BAZ1B: variants seen among roughly 807,000 people sequenced by gnomAD.
BAZ1B encodes the protein tyrosine-protein kinase BAZ1B.
A neutral mutation model predicts 153.8 loss-of-function variants in BAZ1B; 22 were observed. The ratio of observed to expected loss-of-function variants is 0.14; its 90% CI spans 0.10 to 0.20. The LOEUF is 0.20. BAZ1B is among the 10% of genes least tolerant of loss of function. The pLI, the probability that BAZ1B is intolerant of heterozygous loss-of-function variation, is 1.00. For synonymous variants in BAZ1B, 676 were observed against 633.4 expected, an observed-to-expected ratio of 1.07 and a Z score of -1.01; for missense variants, 1,325 against 1,799.3, an observed-to-expected ratio of 0.74 and a Z score of 4.77.
chr7:73,446,710 C>CT (rs1452788421), intron 16 of BAZ1B, among the ~76,000 whole-genome samples: 1 of 152,078 alleles, frequency 6.6e-6, no homozygotes, highest in African/African-American at 2.4e-5. Context: ...AAGATGATGC[C>CT]TTTTTTCCTA....
intron 6 of BAZ1B, among the ~76,000 whole-genome samples, chr7:73,484,336 CAGAT>C (rs1259641942): frequency 2.0e-5 from 3 of 150,740 alleles, no homozygotes; most frequent in East Asian, 1.9e-4. Flanking sequence ...GACAGACAGA[CAGAT>C]ATAGATAGAT....
chr7:73,464,797 C>T (rs1039971083), intron 11 of BAZ1B, among the ~76,000 whole-genome samples: 6 of 152,178 alleles, frequency 3.9e-5, no homozygotes, highest in African/African-American at 1.4e-4. Context: ...ATGATCTTGG[C>T]TCAATGCAAC....
At chr7:73,474,637 T>C (rs1788933034) in intron 7 of BAZ1B, among the ~76,000 whole-genome samples, 3 of 151,956 alleles carry the variant, frequency 2.0e-5, no homozygotes, top group Admixed American at 2.0e-4. Flanking sequence ...TAGCCAGGTG[T>C]GGTGGCACAC....
chr7:73,492,103 C>T (rs1789672026), intron 5 of BAZ1B, among the ~76,000 whole-genome samples: 1 of 151,858 alleles, frequency 6.6e-6, no homozygotes, highest in African/African-American at 2.4e-5. Context: ...AGCGAGTCTC[C>T]TGCCTCAGCC....
At position 73,477,504 on chromosome 7, in the gene BAZ1B, T is replaced by C; in HGVS notation, c.1957A>G (p.Arg653Gly). 6.2e-7 allele frequency: 1 copy of C among 1,614,190 alleles called. No homozygotes were observed. Among genetic ancestry groups the C allele is most frequent in the East Asian group, 2.2e-5 (1 of 44,886 alleles). Residue 653 changes from arginine (R) to glycine (G), a missense_variant, in exon 7 of 20, where the codon AGG (arginine) becomes GGG (glycine). Around this residue, in one of 9 missense-constraint regions of BAZ1B, gnomAD observed 154 missense variants for 266.3 expected, o/e 0.58. Coordinates refer to ENST00000339594, the MANE Select transcript of BAZ1B (RefSeq NM_032408.4). The surrounding 1 kb of genome is among the most constrained non-coding windows in gnomAD (Gnocchi z 5.6). ...GTCTGTAAGAGGATGACCAACACCCTGTTAAGGTATAAAAAGCCACCCTTA... is the reference window on the plus strand; with the variant it reads ...GTCTGTAAGAGGATGACCAACACCCCGTTAAGGTATAAAAAGCCACCCTTA... ...ADKGGFLYLN[R>G]VLVILLQTLL...
intron 4 of BAZ1B, among the ~76,000 whole-genome samples, chr7:73,496,211 G>C (rs1434327686): frequency 6.6e-6 from 1 of 152,038 alleles, no homozygotes; most frequent in Non-Finnish European, 1.5e-5. Flanking sequence ...CAACCTCAAG[G>C]AATTGCAAGT....
intron 15 of BAZ1B, among the ~76,000 whole-genome samples, chr7:73,448,190 G>A (rs1554567048): frequency 6.6e-6 from 1 of 152,162 alleles, no homozygotes; most frequent in African/African-American, 2.4e-5. Context: ...TGTAGTCCTA[G>A]CTACTCGGGA....
chr7:73,456,900 C>T (rs962612569), intron 13 of BAZ1B, among the ~76,000 whole-genome samples: 1 of 122,628 alleles, frequency 8.2e-6, no homozygotes, highest in Admixed American at 1.1e-4. Context: ...CAAGATCACA[C>T]CACTGTACTC....
intron 6 of BAZ1B, among the ~76,000 whole-genome samples, chr7:73,486,765 T>G (rs1433389742): frequency 5.9e-5 from 9 of 152,236 alleles, no homozygotes; most frequent in Admixed American, 5.9e-4. Context: ...TGCCTTTGGA[T>G]GGATGGGTCC....
chr7:73,495,187 G>A (rs1210393007), intron 4 of BAZ1B, among the ~76,000 whole-genome samples: 1 of 152,222 alleles, frequency 6.6e-6, no homozygotes, highest in Non-Finnish European at 1.5e-5. Context: ...GGAGGCTGAA[G>A]CAGGAGAATC....
intron 6 of BAZ1B, among the ~76,000 whole-genome samples, chr7:73,482,150 A>T (rs1789227235): frequency 6.6e-6 from 1 of 152,138 alleles, no homozygotes; most frequent in South Asian, 2.1e-4. Flanking sequence ...CAACATATAA[A>T]CCCTATCCAT....
intron 2 of BAZ1B, among the ~76,000 whole-genome samples, chr7:73,509,837 T>C (rs562957702): frequency 6.6e-6 from 1 of 152,090 alleles, no homozygotes; most frequent in East Asian, 1.9e-4. Context: ...AATTTAATTA[T>C]CATACCCGGT....
chr7:73,511,745 G>A (rs1277788778), intron 1 of BAZ1B, among the ~76,000 whole-genome samples: 2 of 151,500 alleles, frequency 1.3e-5, no homozygotes, highest in Non-Finnish European at 2.9e-5. Context: ...CCACTGCCAG[G>A]CGTGGTGGCT....
At chr7:73,474,077 A>C (rs1554572440) in intron 7 of BAZ1B, among the ~76,000 whole-genome samples, 4 of 152,246 alleles carry the variant, frequency 2.6e-5, no homozygotes, top group Admixed American at 2.0e-4. Flanking sequence ...CTTTTACATA[A>C]AGACAGACAT....
Position 73,498,702 on chromosome 7 carries a change from T to TA in BAZ1B, c.370-5dup. Reference sequence around the variant, plus strand: ...TGAGCATTTTCTCCTTCCCAACCTATAAAGGAGGTAGTAGAGAAAATCAGA... The same window carrying TA: ...TGAGCATTTTCTCCTTCCCAACCTATAAAAGGAGGTAGTAGAGAAAATCAGA... On this transcript the variant is annotated splice_region_variant and splice_polypyrimidine_tract_variant and intron_variant, in intron 3 of 19. Transcript: ENST00000339594. The TA allele has an allele frequency of 6.2e-7, 1 of 1,612,936 alleles. No homozygotes were observed.
intron 7 of BAZ1B, among the ~76,000 whole-genome samples, chr7:73,471,098 GACTA>G (rs1198578758): frequency 6.6e-6 from 1 of 152,058 alleles, no homozygotes; most frequent in African/African-American, 2.4e-5. Context: ...CCATAAATAG[GACTA>G]ACTGAAACAT....
intron 5 of BAZ1B, among the ~76,000 whole-genome samples, chr7:73,492,022 G>T: frequency 7.8e-6 from 1 of 128,992 alleles, no homozygotes; most frequent in Admixed American, 9.7e-5. Context: ...ACGGAGTCTC[G>T]CTCTATGTTG....
At chr7:73,501,017 G>A (rs1355032093) in intron 3 of BAZ1B, among the ~76,000 whole-genome samples, 1 of 152,082 alleles carries the variant, frequency 6.6e-6, no homozygotes, top group East Asian at 1.9e-4. Context: ...AGCGCTTTGG[G>A]AGGCCCAGGC....
At chr7:73,447,134 CCA>C in intron 16 of BAZ1B, 128 bp downstream of exon 16, 2 of 1,535,560 alleles carry the variant, frequency 1.3e-6, no homozygotes, top group Non-Finnish European at 1.8e-6. Context: ...CTAAGTTACG[CCA>C]CAGTCACAAC....
Sources: allele counts gnomAD v4.1 joint callset (sites outside exome capture counted in the v4.1 genomes callset), GRCh38; gene constraint gnomAD v4.1.1; regional missense constraint gnomAD v4.1.1; non-coding constraint Gnocchi (gnomAD v3.1); transcripts MANE v1.5; gene names NCBI Gene and HGNC (gene_info 2026-07-23, HGNC 2026-07-21).